The following A1BG variants were observed in gnomAD, a reference collection of about 807,000 sequenced individuals.
The protein encoded by A1BG is alpha-1-B glycoprotein.
A neutral mutation model predicts 46.0 loss-of-function variants in A1BG; 44 were observed. The ratio of observed to expected loss-of-function variants is 0.96; its 90% CI spans 0.75 to 1.23. The LOEUF is 1.23. Ranked by LOEUF, A1BG falls within the 50% of genes most tolerant of loss-of-function variation. The pLI is 0.00. For missense variants in A1BG, 707 were observed against 688.8 expected, an observed-to-expected ratio of 1.03 and a Z score of -0.30; for synonymous variants, 316 against 314.7, an observed-to-expected ratio of 1.00 and a Z score of -0.04.
At chr19:58,352,180 T>C in intron 4 of A1BG, 103 bp downstream of exon 4, 1 of 1,532,488 alleles carries the variant, frequency 6.5e-7, no homozygotes, top group Non-Finnish European at 8.7e-7. Context: ...TTCCTGGACC[T>C]GGTCCTGGGC....
rs2051973542 is a variant in A1BG at position 58,352,731 on chromosome 19, T to C, written c.341-176A>G. On this transcript the variant is annotated intron_variant, in intron 3 of 7. Transcript: ENST00000263100. ...GGCATACGGCAAGAGAAAAAGAGTG[T>C]GTGGGAGCTGTACGGCATGCCGGGC... 4.4e-6 allele frequency: 5 copies of C among 1,144,326 alleles called. No homozygotes were observed. The South Asian group carries it at 4.5e-5, about 10-fold the overall frequency. The allele number at this position is 1,144,326 out of a possible 1,614,324, so 70.9% of individuals were successfully genotyped here.
chr19:58,352,614 G>C (rs1180026775), intron 3 of A1BG, 59 bp from the exon 4 acceptor site: 4 of 1,563,220 alleles, frequency 2.6e-6, no homozygotes, highest in Non-Finnish European at 3.5e-6. Flanking sequence ...GGGAAGCCCA[G>C]CAGAACCTGG....
Position 58,346,948 on chromosome 19 carries a change from A to G in A1BG, c.*74T>C, listed in dbSNP as rs1022566101. ...AGAGACCCCGGCCTTGTGCTGCAAC[A>G]GGAGGGGAGGGAGCCAGTCCAGAAT... On this transcript the variant is annotated 3_prime_UTR_variant, in exon 8 of 8. Coordinates refer to ENST00000263100, the MANE Select transcript of A1BG (RefSeq NM_130786.4). 1.6e-5 allele frequency: 25 copies of G among 1,543,486 alleles called. No individual in the cohort carries two copies. Among genetic ancestry groups the G allele is most frequent in the Non-Finnish European group, 2.2e-5 (25 of 1,115,844 alleles).
chr19:58,350,322 A>G (rs2051945846), intron 6 of A1BG, 48 bp downstream of exon 6: 1 of 1,498,758 alleles, frequency 6.7e-7, no homozygotes. Context: ...GGAGGCCCCG[A>G]GGGGCACTGA....
intron 3 of A1BG, 136 bp downstream of exon 3, chr19:58,352,792 A>G: frequency 7.5e-7 from 1 of 1,334,482 alleles, no homozygotes. Context: ...CTTACAACAC[A>G]GACATCATCC....
At chr19:58,351,155 TG>T in intron 5 of A1BG, 2 of 599,956 alleles carry the variant, frequency 3.3e-6, no homozygotes, top group South Asian at 2.0e-5. Context: ...ACCTGCCAGG[TG>T]GTGCCCCCTG....
At chr19:58,350,205 C>T (rs769687341) in intron 6 of A1BG, 165 bp downstream of exon 6, 41 of 928,820 alleles carry the variant, frequency 4.4e-5, no homozygotes, top group Non-Finnish European at 6.3e-5. Flanking sequence ...CAGGCGTCCC[C>T]AGACCCTCGA....
chr19:58,351,884 C>T, intron 4 of A1BG, 197 bp from the exon 5 acceptor site: 1 of 718,380 alleles, frequency 1.4e-6, no homozygotes, highest in East Asian at 2.8e-5. Flanking sequence ...CAAGCTCTGC[C>T]TCCCAGGTTC....
chr19:58,347,775 G>T, intron 6 of A1BG, 135 bp from the exon 7 acceptor site: 1 of 511,794 alleles, frequency 2.0e-6, no homozygotes, highest in Non-Finnish European at 3.0e-6. Flanking sequence ...TTGTTCCTGG[G>T]CGCAGAGGGC....
At position 58,351,392 on chromosome 19, in the gene A1BG, A is replaced by G. The variant is rs371215771; in HGVS notation, c.909T>C (p.Asp303=). The G allele has an allele frequency of 1.4e-4, 228 of 1,609,158 alleles. No homozygotes were observed. The highest frequency in any genetic ancestry group is 1.7e-4 in the Non-Finnish European group (206 of 1,179,678). The change falls in exon 5 of 8, where the codon GAT becomes GAC. Residue 303 remains aspartate, a splice_region_variant and synonymous_variant. Coordinates refer to ENST00000263100, the MANE Select transcript of A1BG (RefSeq NM_130786.4). ...DSAPVELILS[D]ETLPAPEFSP... ...CTGTCCCTGCTGGCCCCGGCTCACC[A>G]TCGCTCAGAATCAGCTCGACCGGCG...
intron 7 of A1BG, 77 bp from the exon 8 acceptor site, chr19:58,347,106 C>G: frequency 6.4e-7 from 1 of 1,559,828 alleles, no homozygotes; most frequent in South Asian, 1.1e-5. Context: ...TCAAGGCCGA[C>G]CTCCCTGACG....
chr19:58,350,425 C>T lies in A1BG; in HGVS notation c.1137G>A (p.Leu379=), dbSNP rs2051947033. 6.4e-7 allele frequency: 1 copy of T among 1,551,056 alleles called. No individual in the cohort carries two copies. The highest frequency in any genetic ancestry group is 8.7e-7 in the Non-Finnish European group (1 of 1,147,286). ...GCGCGGAGCCCCCGAAAGGCGGCTT[C>T]AGGTCCACGTAGACGCAGCTGTAGT... is the stretch of plus-strand genomic sequence containing the variant. ...SANYSCVYVD[L]KPPFGGSAPS... The change falls in exon 6 of 8, where the codon CTG becomes CTA. Residue 379 remains leucine, a synonymous_variant. Transcript: ENST00000263100.
intron 2 of A1BG, 40 bp downstream of exon 2, chr19:58,353,252 G>A (rs2051982478): frequency 1.2e-6 from 2 of 1,613,728 alleles, no homozygotes; most frequent in African/African-American, 2.7e-5. Flanking sequence ...CTCCCCCCCG[G>A]CCTGGGCCCA....
chr19:58,351,646 A>G lies in A1BG; in HGVS notation c.655T>C (p.Ser219Pro). ...PPVLMHHGES[S>P]QVLHPGNKVT... ...TTGTTGCCAGGGTGCAGGACCTGGG[A>G]GGACTCTCCATGGTGCATCAGCACA... The change falls in exon 5 of 8, where the codon TCC becomes CCC. Residue 219 changes from serine (S) to proline (P), a missense_variant. Coordinates refer to ENST00000263100, the MANE Select transcript of A1BG (RefSeq NM_130786.4). 1 of 1,610,602 alleles carries G rather than the reference A, an allele frequency of 6.2e-7. No homozygotes were observed. The highest frequency in any genetic ancestry group is 8.5e-7 in the Non-Finnish European group (1 of 1,178,768).
chr19:58,347,175 G>A (rs1304380406), intron 7 of A1BG, 146 bp from the exon 8 acceptor site: 2 of 1,336,410 alleles, frequency 1.5e-6, no homozygotes, highest in African/African-American at 1.5e-5. Context: ...TGCGCCTCCA[G>A]CTGCAGGGCC....
chr19:58,351,040 G>A (rs994171466), intron 5 of A1BG: 9 of 440,222 alleles, frequency 2.0e-5, no homozygotes, highest in African/African-American at 3.9e-5. Context: ...TTCGCTGTCC[G>A]GTGCTCAGAG....
Position 58,353,108 on chromosome 19 carries a change from C to G in A1BG, c.160G>C (p.Glu54Gln), listed in dbSNP as rs1338064132. 1.2e-6 allele frequency: 2 copies of G among 1,614,158 alleles called. No homozygotes were observed. Among genetic ancestry groups the G allele is most frequent in the Non-Finnish European group, 1.7e-6 (2 of 1,180,028 alleles). The change falls in exon 3 of 8, where the codon GAG (glutamate) becomes CAG (glutamine). Residue 54 changes from glutamate to glutamine, a missense_variant. By Grantham distance (29) the Glu-to-Gln change is conservative. Coordinates refer to ENST00000263100, the MANE Select transcript of A1BG (RefSeq NM_130786.4). Reference protein sequence around the residue: ...NVTLTCQAHLETPDFQLFKNG... With the variant: ...NVTLTCQAHLQTPDFQLFKNG... Reference sequence around the variant, plus strand: ...TTGAACAGCTGGAAGTCTGGAGTCTCCAGGTGGGCCTGGCACGTCAGCGTC... The same window carrying G: ...TTGAACAGCTGGAAGTCTGGAGTCTGCAGGTGGGCCTGGCACGTCAGCGTC...
chr19:58,347,038 C>T lies in A1BG; in HGVS notation c.1481-9G>A, dbSNP rs373324898. ...GCGGCTGCATCAGCTTTCTAGACAA[C>T]GGGAGAAAAGAGAAATGGTGGAGGA... is the stretch of plus-strand genomic sequence containing the variant. On this transcript the variant is annotated splice_polypyrimidine_tract_variant and intron_variant, in intron 7 of 7. Coordinates refer to ENST00000263100, the MANE Select transcript of A1BG (RefSeq NM_130786.4). 11 of 1,614,002 alleles carry T rather than the reference C, an allele frequency of 6.8e-6. No homozygotes were observed. Among genetic ancestry groups the T allele is most frequent in the African/African-American group, 2.7e-5 (2 of 75,030 alleles).
In A1BG at chr19:58,352,360, T is replaced by G. The variant is rs2051968507; in HGVS notation, c.536A>C (p.Asn179Thr). Residue 179 changes from asparagine (N) to threonine (T), a missense_variant, in exon 4 of 8, where the codon AAC becomes ACC. Physicochemically the swap from Asn to Thr is moderately conservative, Grantham distance 65. Transcript: ENST00000263100. ...ATCGGTCCGGTAGCTGCAGCTGTAG[T>G]TGCCAGGCTGATGGACTGGAAAGGT... is the stretch of plus-strand genomic sequence containing the variant. ...EATFPVHQPG[N>T]YSCSYRTDGE... The G allele has an allele frequency of 1.2e-6, 2 of 1,613,870 alleles. No individual in the cohort carries two copies. The highest frequency in any genetic ancestry group is 1.7e-6 in the Non-Finnish European group (2 of 1,179,982).
Sources: gnomAD v4.1 joint callset for allele counts on GRCh38, gnomAD v4.1.1 for gene constraint, MANE v1.5 for transcripts, NCBI Gene and HGNC (gene_info 2026-07-23, HGNC 2026-07-21) for gene names.